ZNF407: variants seen among roughly 807,000 people sequenced by gnomAD.
ZNF407 encodes the protein zinc finger protein 407.
Under a neutral mutation model 131.2 loss-of-function variants are expected in ZNF407, and 17 were observed. The observed-to-expected ratio is 0.13, with a 90% CI of 0.09 to 0.19. The LOEUF (loss-of-function observed/expected upper bound fraction) is 0.19, where lower values mean the gene tolerates loss of function less well. Ranked by LOEUF, ZNF407 falls within the 10% of genes least tolerant of loss-of-function variation. ZNF407 has a pLI of 1.00. For synonymous variants in ZNF407, 1,156 were observed against 1,062.0 expected (o/e 1.09, Z -1.72); for missense variants, 2,681 against 2,830.6 (o/e 0.95, Z 1.20).
chr18:74,612,233 TAAAG>T (rs759624762), intron 1 of ZNF407, among the ~76,000 whole-genome samples: 3 of 151,894 alleles, frequency 2.0e-5, no homozygotes, highest in African/African-American at 7.3e-5. Flanking sequence ...GATAAAGTAA[TAAAG>T]AAAAACAAGT....
intron 6 of ZNF407, among the ~76,000 whole-genome samples, chr18:74,884,621 T>G (rs1265323367): frequency 6.6e-6 from 1 of 152,174 alleles, no homozygotes. Flanking sequence ...AAAGAAAATA[T>G]GAAAGAACCA....
At chr18:74,965,527 A>G (rs557589567) in intron 8 of ZNF407, among the ~76,000 whole-genome samples, 3 of 152,258 alleles carry the variant, frequency 2.0e-5, no homozygotes, top group South Asian at 4.1e-4. Flanking sequence ...TCCATTGTAT[A>G]TATCTACTGC....
intron 8 of ZNF407, among the ~76,000 whole-genome samples, chr18:74,985,519 C>T (rs1180211065): frequency 6.6e-6 from 1 of 152,100 alleles, no homozygotes; most frequent in Non-Finnish European, 1.5e-5. Context: ...TAGTGTTATC[C>T]TTAGGGAAAG....
At chr18:74,905,303 T>C (rs1465760070) in intron 7 of ZNF407, 1 of 152,360 alleles carries the variant, frequency 6.6e-6, no homozygotes, top group East Asian at 1.9e-4. Flanking sequence ...GAAGTGCCTA[T>C]GATTGGGTCT....
At chr18:74,961,835 C>T (rs1472673068) in intron 8 of ZNF407, among the ~76,000 whole-genome samples, 1 of 152,090 alleles carries the variant, frequency 6.6e-6, no homozygotes, top group Non-Finnish European at 1.5e-5. Context: ...ATTACCCACC[C>T]ACCCACTCCC....
chr18:74,811,427 G>A (rs1253434658), intron 4 of ZNF407, among the ~76,000 whole-genome samples: 2 of 152,080 alleles, frequency 1.3e-5, no homozygotes, highest in Non-Finnish European at 2.9e-5. Context: ...CTGTTGATGG[G>A]ACTGTAAACT....
At chr18:74,624,018 C>A (rs761054284) in intron 1 of ZNF407, among the ~76,000 whole-genome samples, 9 of 152,146 alleles carry the variant, frequency 5.9e-5, no homozygotes, top group Non-Finnish European at 1.2e-4. Context: ...CTTGCCAGGT[C>A]TTCTCAATCT....
At chr18:74,978,342 C>T (rs560663122) in intron 8 of ZNF407, among the ~76,000 whole-genome samples, 56 of 152,050 alleles carry the variant, frequency 3.7e-4, no homozygotes, top group African/African-American at 1.3e-3. Flanking sequence ...TCAAATAGGT[C>T]GTAAGGAGCC....
In ZNF407 at chr18:74,624,172, T is replaced by A. The variant is rs370353833; in HGVS notation, c.-53-6795T>A. Among the ~76,000 whole-genome samples, 32 of 152,250 alleles carry A rather than the reference T, an allele frequency of 2.1e-4. No individual in the cohort carries two copies. In the South Asian group the frequency reaches 5.6e-3, roughly 27 times the overall value. On this transcript the variant is annotated intron_variant, in intron 1 of 8. Transcript: ENST00000299687. Reference sequence around the variant, plus strand: ...AGTCTTCTGCCTGTTTTCGCTTTGTTCCGGGGAGAGCCAGAGGGGCTTTCT... The same window carrying A: ...AGTCTTCTGCCTGTTTTCGCTTTGTACCGGGGAGAGCCAGAGGGGCTTTCT...
At chr18:74,801,370 T>C (rs1399228471) in intron 4 of ZNF407, among the ~76,000 whole-genome samples, 2 of 152,210 alleles carry the variant, frequency 1.3e-5, no homozygotes, top group African/African-American at 4.8e-5. Flanking sequence ...CATGGAAATC[T>C]AGACTTACTG....
intron 8 of ZNF407, among the ~76,000 whole-genome samples, chr18:75,019,261 G>A (rs1973079382): frequency 6.6e-6 from 1 of 152,044 alleles, no homozygotes; most frequent in Admixed American, 6.6e-5. Flanking sequence ...ATAAAATTCA[G>A]ATAATAGAAA....
chr18:74,599,015 G>A (rs767530626), intron 1 of ZNF407, among the ~76,000 whole-genome samples: 2 of 152,180 alleles, frequency 1.3e-5, no homozygotes, highest in Non-Finnish European at 2.9e-5. Context: ...CATCCTAGTC[G>A]TAGTATGTAT....
chr18:74,834,127 G>A (rs1236838646), intron 4 of ZNF407, among the ~76,000 whole-genome samples: 3 of 152,174 alleles, frequency 2.0e-5, no homozygotes, highest in Non-Finnish European at 2.9e-5. Context: ...TTGTTCAGTA[G>A]CAGTAAAACA....
rs150897544 is a variant in ZNF407 at position 74,776,795 on chromosome 18, A to G, written c.4803-4633A>G. Reference sequence around the variant, plus strand: ...TGAACCGCAGATGAACACATTCTGTATATGTATTATATGCTGTATTCTTAC... The same window carrying G: ...TGAACCGCAGATGAACACATTCTGTGTATGTATTATATGCTGTATTCTTAC... On this transcript the variant is annotated intron_variant, in intron 3 of 8. Coordinates refer to ENST00000299687, the MANE Select transcript of ZNF407 (RefSeq NM_017757.3). 4.7e-3 allele frequency among the ~76,000 whole-genome samples: 718 copies of G among 152,354 alleles called. 4 individuals are homozygous for G. The highest frequency in any genetic ancestry group is 0.016 in the African/African-American group (680 of 41,578).
At chr18:74,976,049 C>T (rs1972524899) in intron 8 of ZNF407, among the ~76,000 whole-genome samples, 1 of 152,094 alleles carries the variant, frequency 6.6e-6, no homozygotes, top group Non-Finnish European at 1.5e-5. Flanking sequence ...ATAATCTGGT[C>T]GTAATATTTT....
chr18:74,757,493 A>G (rs1452251942), intron 3 of ZNF407, among the ~76,000 whole-genome samples: 2 of 152,072 alleles, frequency 1.3e-5, no homozygotes. Context: ...ATTTTATTGT[A>G]TATGACTAAA....
chr18:75,019,231 A>G lies in ZNF407; in HGVS notation c.5429-43919A>G, dbSNP rs577420873. Among the ~76,000 whole-genome samples the G allele has an allele frequency of 2.2e-3, 330 of 152,342 alleles. 2 individuals carry two copies. Among genetic ancestry groups the G allele is most frequent in the African/African-American group, 7.2e-3 (299 of 41,586 alleles). On this transcript the variant is annotated intron_variant, in intron 8 of 8. Transcript: ENST00000299687. The stretch of plus-strand genomic sequence containing the variant: ...GAGGTAGCTTATATAAAATACATAA[A>G]TACATACAGAATACATAAAATAAAA...
chr18:74,889,274 G>GTGTCTGTCTGTC (rs34738627), intron 6 of ZNF407, among the ~76,000 whole-genome samples: 3 of 151,332 alleles, frequency 2.0e-5, no homozygotes, highest in East Asian at 3.9e-4. Flanking sequence ...CTGCGTAGCT[G>GTGTCTGTCTGTC]TGTCTGTCTG....
At chr18:74,781,615 A>C (rs1408348646) in intron 4 of ZNF407, 113 bp downstream of exon 4, 2 of 718,702 alleles carry the variant, frequency 2.8e-6, no homozygotes, top group Non-Finnish European at 4.3e-6. Flanking sequence ...TCATGTTTCT[A>C]TTTGTGGTAC....
Sources: allele counts gnomAD v4.1 joint callset (sites outside exome capture counted in the v4.1 genomes callset), GRCh38; gene constraint gnomAD v4.1.1; transcripts MANE v1.5; gene names NCBI Gene and HGNC (gene_info 2026-07-23, HGNC 2026-07-21).